The following SLC24A2 variants were observed in gnomAD, a reference collection of about 807,000 sequenced individuals.
SLC24A2 encodes solute carrier family 24 member 2.
In SLC24A2, 36 loss-of-function variants were observed where a neutral mutation model predicts 62.0. The ratio of observed to expected loss-of-function variants is 0.58; its 90% CI spans 0.44 to 0.77. The LOEUF (loss-of-function observed/expected upper bound fraction) is 0.77, where lower values mean the gene tolerates loss of function less well. SLC24A2 is among the 30% of genes least tolerant of loss of function. The pLI, the probability that SLC24A2 is intolerant of heterozygous loss-of-function variation, is 0.00. For missense variants in SLC24A2, 846 were observed against 817.9 expected (o/e 1.03, Z -0.42); for synonymous variants, 358 against 294.0 (o/e 1.22, Z -2.23).
chr9:20,064,037 G>A, the SLC24A2 span, among the ~76,000 whole-genome samples: 107 of 152,236 alleles, frequency 7.0e-4, 1 homozygote, highest in East Asian at 0.018. Context: ...ATTCATAGCA[G>A]CATTACCATA....
chr9:19,545,284 T>C (rs568411219), intron 8 of SLC24A2, among the ~76,000 whole-genome samples: 2 of 152,190 alleles, frequency 1.3e-5, no homozygotes, highest in Non-Finnish European at 2.9e-5. Context: ...CATCAGGTCA[T>C]TTATGTTCTT....
intron 10 of SLC24A2, 75 bp from the exon 11 acceptor site, chr9:19,516,477 A>G: frequency 6.6e-7 from 1 of 1,515,022 alleles, no homozygotes; most frequent in East Asian, 2.3e-5. Context: ...GAAGGCAAAT[A>G]TAACCTATTA....
At chr9:20,122,756 G>A in the SLC24A2 span, among the ~76,000 whole-genome samples, 3 of 152,120 alleles carry the variant, frequency 2.0e-5, no homozygotes, top group African/African-American at 7.2e-5. Flanking sequence ...CTCTTTTGAT[G>A]CCTAGAGAAA....
intron 5 of SLC24A2, among the ~76,000 whole-genome samples, chr9:19,596,890 T>C (rs1836716921): frequency 1.3e-5 from 2 of 152,192 alleles, no homozygotes; most frequent in African/African-American, 4.8e-5. Flanking sequence ...TAGAAAATTA[T>C]TGGATGAATG....
At chr9:19,783,272 C>A in intron 2 of SLC24A2, among the ~76,000 whole-genome samples, 1 of 152,138 alleles carries the variant, frequency 6.6e-6, no homozygotes, top group East Asian at 1.9e-4. Context: ...AAATGTGATT[C>A]CTCTACCTTC....
the SLC24A2 span, among the ~76,000 whole-genome samples, chr9:20,034,141 G>C: frequency 6.6e-6 from 1 of 152,100 alleles, no homozygotes; most frequent in Non-Finnish European, 1.5e-5. Context: ...AGCACTGTCA[G>C]CTCTCACTGG....
chr9:19,825,320 T>C, the SLC24A2 span, among the ~76,000 whole-genome samples: 1 of 152,150 alleles, frequency 6.6e-6, no homozygotes, highest in Non-Finnish European at 1.5e-5. Flanking sequence ...TTGCCTGGAG[T>C]AATTCTATAA....
chr9:20,218,518 T>C, the SLC24A2 span, among the ~76,000 whole-genome samples: 4 of 152,284 alleles, frequency 2.6e-5, no homozygotes, highest in African/African-American at 9.6e-5. Context: ...GTCTCTACTC[T>C]ATATCTAGAA....
At chr9:20,098,610 A>G in the SLC24A2 span, among the ~76,000 whole-genome samples, 2 of 152,202 alleles carry the variant, frequency 1.3e-5, no homozygotes, top group East Asian at 3.8e-4. Flanking sequence ...CAGCTTCCCA[A>G]AGATACTAAC....
At chr9:20,035,053 C>G in the SLC24A2 span, among the ~76,000 whole-genome samples, 1 of 147,512 alleles carries the variant, frequency 6.8e-6, no homozygotes, top group Non-Finnish European at 1.5e-5. Flanking sequence ...GAAAAAAGTA[C>G]CATATTATTA....
At chr9:19,901,735 G>T in the SLC24A2 span, among the ~76,000 whole-genome samples, 8 of 152,272 alleles carry the variant, frequency 5.3e-5, 1 homozygote, top group African/African-American at 1.4e-4. Context: ...CAAGTGTGCA[G>T]ACTCTCTAAA....
chr9:19,561,837 A>G (rs999653106), intron 7 of SLC24A2, among the ~76,000 whole-genome samples: 3 of 152,178 alleles, frequency 2.0e-5, no homozygotes, highest in African/African-American at 7.2e-5. Flanking sequence ...TAGATGGAAA[A>G]AATCAAGAAT....
chr9:20,172,864 T>G, the SLC24A2 span, among the ~76,000 whole-genome samples: 1 of 151,786 alleles, frequency 6.6e-6, no homozygotes, highest in African/African-American at 2.4e-5. Context: ...CTGTATCACT[T>G]TAATACCAAA....
the SLC24A2 span, among the ~76,000 whole-genome samples, chr9:19,919,091 A>T: frequency 6.6e-6 from 1 of 152,218 alleles, no homozygotes; most frequent in Non-Finnish European, 1.5e-5. Flanking sequence ...GAGAACTTTT[A>T]TTACCAGAAA....
chr9:19,657,735 T>C (rs1226188265), intron 2 of SLC24A2, among the ~76,000 whole-genome samples: 1 of 152,170 alleles, frequency 6.6e-6, no homozygotes, highest in African/African-American at 2.4e-5. Flanking sequence ...CTTTCTTTCT[T>C]TCTTTTTTTG....
chr9:19,524,632 T>C (rs1461781015), intron 9 of SLC24A2, among the ~76,000 whole-genome samples: 1 of 152,220 alleles, frequency 6.6e-6, no homozygotes, highest in Non-Finnish European at 1.5e-5. Flanking sequence ...CAGAATCTAT[T>C]TTGTTCAGCT....
chr9:20,199,390 C>G, the SLC24A2 span, among the ~76,000 whole-genome samples: 2 of 152,186 alleles, frequency 1.3e-5, no homozygotes, highest in Non-Finnish European at 2.9e-5. Flanking sequence ...CTCAGAGAGC[C>G]TAGCAATCAA....
At chr9:20,170,482 A>C in the SLC24A2 span, among the ~76,000 whole-genome samples, 1 of 151,990 alleles carries the variant, frequency 6.6e-6, no homozygotes, top group Non-Finnish European at 1.5e-5. Flanking sequence ...ATATTTTTCT[A>C]AACATGGAAG....
At chr9:19,747,523 A>G (rs1050966141) in intron 2 of SLC24A2, among the ~76,000 whole-genome samples, 1 of 152,246 alleles carries the variant, frequency 6.6e-6, no homozygotes. Flanking sequence ...TAAAGTGCTC[A>G]GCACAGTGGC....
Sources: gnomAD v4.1 joint callset for allele counts (sites outside exome capture counted in the v4.1 genomes callset) on GRCh38, gnomAD v4.1.1 for gene constraint, MANE v1.5 for transcripts, NCBI Gene and HGNC (gene_info 2026-07-23, HGNC 2026-07-21) for gene names.